ADGRL3: variants seen among roughly 807,000 people sequenced by gnomAD.
ADGRL3 encodes the protein adhesion G protein-coupled receptor L3.
Under a neutral mutation model 153.5 loss-of-function variants are expected in ADGRL3, and 62 were observed. The ratio of observed to expected loss-of-function variants is 0.40; its 90% CI spans 0.33 to 0.50. ADGRL3 has a LOEUF of 0.50. Ranked by LOEUF, ADGRL3 falls within the 20% of genes least tolerant of loss-of-function variation. ADGRL3 has a pLI of 0.47. For missense variants in ADGRL3, 1,641 were observed against 1,859.4 expected, an observed-to-expected ratio of 0.88 and a Z score of 2.16; for synonymous variants, 710 against 672.5, an observed-to-expected ratio of 1.06 and a Z score of -0.86.
intron 15 of ADGRL3, among the ~76,000 whole-genome samples, chr4:61,936,608 A>G (rs976790054): frequency 1.3e-5 from 2 of 152,048 alleles, no homozygotes; most frequent in Non-Finnish European, 2.9e-5. Flanking sequence ...GTATGTCCAC[A>G]TTTCACTAAT....
At chr4:61,797,805 T>C (rs923511814) in intron 8 of ADGRL3, among the ~76,000 whole-genome samples, 4 of 152,322 alleles carry the variant, frequency 2.6e-5, no homozygotes, top group Admixed American at 2.6e-4. Flanking sequence ...ATTTTCTCCT[T>C]CATGTTCAAC....
At chr4:62,014,375 A>G (rs926872618) in intron 21 of ADGRL3, among the ~76,000 whole-genome samples, 3 of 152,180 alleles carry the variant, frequency 2.0e-5, no homozygotes, top group Non-Finnish European at 4.4e-5. Context: ...AGTTTGGACC[A>G]TGAGTTTCAA....
intron 2 of ADGRL3, among the ~76,000 whole-genome samples, chr4:61,492,032 C>CAAAT (rs1003859213): frequency 6.6e-6 from 1 of 151,696 alleles, no homozygotes; most frequent in South Asian, 2.1e-4. Flanking sequence ...AACAAACAAA[C>CAAAT]AAACAAACAA....
intron 5 of ADGRL3, among the ~76,000 whole-genome samples, chr4:61,618,666 G>A (rs1199832421): frequency 1.3e-5 from 2 of 152,146 alleles, no homozygotes; most frequent in South Asian, 4.1e-4. Flanking sequence ...GCAAGAAAGA[G>A]CAAGGCCAAA....
chr4:61,324,612 T>C (rs1167739954), intron 1 of ADGRL3, among the ~76,000 whole-genome samples: 2 of 152,222 alleles, frequency 1.3e-5, no homozygotes, highest in Admixed American at 6.5e-5. Context: ...TAATTTTTAT[T>C]GTTGAAAATG....
intron 8 of ADGRL3, among the ~76,000 whole-genome samples, chr4:61,743,165 G>A (rs904254159): frequency 9.9e-5 from 15 of 151,174 alleles, no homozygotes; most frequent in African/African-American, 3.1e-4. Context: ...TTAAAAATAC[G>A]AAAAATTAGC....
intron 2 of ADGRL3, among the ~76,000 whole-genome samples, chr4:61,456,424 TATATCTATATATATA>T (rs2097750442): frequency 1.7e-5 from 1 of 58,746 alleles, no homozygotes; most frequent in African/African-American, 4.6e-5. Context: ...TAGATATATC[TATATCTATATATATA>T]GATATATCTA....
intron 1 of ADGRL3, among the ~76,000 whole-genome samples, chr4:61,207,454 GGCATT>G (rs1344237779): frequency 6.6e-6 from 1 of 152,132 alleles, no homozygotes; most frequent in Non-Finnish European, 1.5e-5. Context: ...ATCATTGATT[GGCATT>G]TGGGTTGGTT....
In ADGRL3 at chr4:61,202,189, G is replaced by A. The variant is rs1335302358; in HGVS notation, c.-240+424G>A. The A allele has an allele frequency of 1.3e-5, 2 of 153,340 alleles. No individual in the cohort carries two copies. Among genetic ancestry groups the A allele is most frequent in the Non-Finnish European group, 1.4e-5 (1 of 68,990 alleles). 9.5% of individuals were successfully genotyped at this position (153,340 alleles called of 1,614,324 possible). On this transcript the variant is annotated intron_variant, in intron 1 of 26. Transcript: ENST00000683033. The surrounding 1 kb of genome is among the most constrained non-coding windows in gnomAD (Gnocchi z 5.0). ...TTTTCTCCGTCAGGCTGGAACTGGT[G>A]CCGCTGGAGGCGGGAGCGGGCTGGA...
chr4:61,509,205 G>C (rs1404752398), intron 3 of ADGRL3, among the ~76,000 whole-genome samples: 4 of 143,486 alleles, frequency 2.8e-5, no homozygotes, highest in African/African-American at 1.0e-4. Context: ...TCGGCTCACT[G>C]CAACCTCCGC....
intron 5 of ADGRL3, among the ~76,000 whole-genome samples, chr4:61,662,814 G>T (rs2094647031): frequency 6.6e-6 from 1 of 152,172 alleles, no homozygotes; most frequent in South Asian, 2.1e-4. Context: ...GATTCAGCCT[G>T]ACTTGGGCAG....
At chr4:61,378,354 C>G (rs971850901) in intron 1 of ADGRL3, among the ~76,000 whole-genome samples, 1 of 152,000 alleles carries the variant, frequency 6.6e-6, no homozygotes, top group African/African-American at 2.4e-5. Context: ...GTTCCACCCC[C>G]AGATACTTTA....
chr4:61,717,975 A>C (rs1261287744), intron 6 of ADGRL3, among the ~76,000 whole-genome samples: 1 of 152,186 alleles, frequency 6.6e-6, no homozygotes, highest in Non-Finnish European at 1.5e-5. Context: ...CGGAGGTTGC[A>C]GTAACCTGAG....
At chr4:61,577,732 G>C (rs1044700393) in intron 4 of ADGRL3, among the ~76,000 whole-genome samples, 1 of 151,520 alleles carries the variant, frequency 6.6e-6, no homozygotes, top group Admixed American at 6.6e-5. Context: ...AGGATCACTT[G>C]AGACCAGGAG....
intron 5 of ADGRL3, among the ~76,000 whole-genome samples, chr4:61,624,779 T>G (rs938660164): frequency 3.3e-5 from 5 of 152,108 alleles, no homozygotes; most frequent in Admixed American, 6.6e-5. Context: ...CATTAAGAAT[T>G]TGAAGTGAAG....
At chr4:62,032,538 A>G (rs1028471295) in intron 23 of ADGRL3, among the ~76,000 whole-genome samples, 1 of 151,698 alleles carries the variant, frequency 6.6e-6, no homozygotes, top group South Asian at 2.1e-4. Flanking sequence ...GGGGGTAAAA[A>G]TAATTTAAAA....
intron 5 of ADGRL3, among the ~76,000 whole-genome samples, chr4:61,665,552 A>T (rs2094763620): frequency 6.6e-6 from 1 of 152,168 alleles, no homozygotes; most frequent in South Asian, 2.1e-4. Flanking sequence ...AATCCAAGAG[A>T]ATTTCATAAA....
At chr4:61,906,270 A>C (rs2098695238) in intron 11 of ADGRL3, 1 of 151,906 alleles carries the variant, frequency 6.6e-6, no homozygotes. Context: ...AACATTATTG[A>C]TCTCCTTCAT....
intron 4 of ADGRL3, among the ~76,000 whole-genome samples, chr4:61,541,346 ATTTTTTTTTTT>A (rs3075146): frequency 1.9e-5 from 2 of 103,334 alleles, no homozygotes; most frequent in South Asian, 3.8e-4. Flanking sequence ...TCTGGTAGAG[ATTTTTTTTTTT>A]TTTTTTTTTT....
Sources: allele counts gnomAD v4.1 joint callset (sites outside exome capture counted in the v4.1 genomes callset), GRCh38; gene constraint gnomAD v4.1.1; non-coding constraint Gnocchi (gnomAD v3.1); transcripts MANE v1.5; gene names NCBI Gene and HGNC (gene_info 2026-07-23, HGNC 2026-07-21).